AKR1D1: variants seen among roughly 807,000 people sequenced by gnomAD.
AKR1D1 encodes the protein aldo-keto reductase family 1 member D1.
AKR1D1 carries 32 observed loss-of-function variants against 42.6 expected under a neutral mutation model. The ratio of observed to expected loss-of-function variants is 0.75; its 90% CI spans 0.57 to 1.01. The LOEUF is 1.01. AKR1D1 is among the 50% of genes least tolerant of loss of function. The probability of loss-of-function intolerance (pLI) is 0.00; values close to 1 mark genes in which losing one functional copy is unlikely to be tolerated. For missense variants in AKR1D1, 364 were observed against 402.2 expected (o/e 0.91, Z 0.81); for synonymous variants, 123 against 135.5 (o/e 0.91, Z 0.64).
chr7:138,082,120 C>G (rs937948960), intron 1 of AKR1D1, among the ~76,000 whole-genome samples: 1 of 152,314 alleles, frequency 6.6e-6, no homozygotes, highest in Middle Eastern at 3.4e-3. Context: ...CCTGGAGGAG[C>G]AGTGCTGGAT....
intron 3 of AKR1D1, 83 bp from the exon 4 acceptor site, chr7:138,097,783 A>C: frequency 9.0e-7 from 1 of 1,109,688 alleles, no homozygotes; most frequent in South Asian, 1.4e-5. Context: ...ACAATTATGA[A>C]GACTGGGAAG....
At position 138,107,547 on chromosome 7, in the gene AKR1D1, C is replaced by A. The variant is rs943194700; in HGVS notation, c.822C>A (p.Ser274Arg). 6.2e-7 allele frequency: 1 copy of A among 1,613,970 alleles called. No homozygotes were observed. Among genetic ancestry groups the A allele is most frequent in the Admixed American group, 1.7e-5 (1 of 60,006 alleles). The change falls in exon 7 of 9, where the codon AGC (serine) becomes AGA (arginine). Residue 274 changes from serine to arginine, a missense_variant. Ser to Arg is a moderately radical substitution (Grantham distance 110). Coordinates refer to ENST00000242375, the MANE Select transcript of AKR1D1 (RefSeq NM_005989.4). The part of the protein sequence containing the change: ...IQRGVVVIPK[S>R]FNLERIKENF... ...GAGGGGTGGTTGTCATTCCTAAAAG[C>A]TTTAATCTTGAAAGGATCAAAGAAA...
intron 1 of AKR1D1, among the ~76,000 whole-genome samples, chr7:138,087,893 CTT>C (rs757196207): frequency 2.8e-4 from 38 of 137,556 alleles, no homozygotes; most frequent in Admixed American, 2.9e-4. Flanking sequence ...CATTTCTTTT[CTT>C]TTTTTTTTTT....
rs115327525 is a variant in AKR1D1, at chr7:138,092,144, C to T, written c.378+260C>T. On this transcript the variant is annotated intron_variant, in intron 3 of 8. Transcript: ENST00000242375. ...GTACTGACCTAGTCTGACAAATACC[C>T]GAGAAGATTATGTTAGCAGACTCAG... 9.8e-3 allele frequency among the ~76,000 whole-genome samples: 1,488 copies of T among 151,290 alleles called. 38 individuals carry two copies. Among genetic ancestry groups the T allele is most frequent in the African/African-American group, 0.035 (1,409 of 40,622 alleles).
chr7:138,089,357 A>T (rs1024060223), intron 2 of AKR1D1, among the ~76,000 whole-genome samples: 2 of 152,064 alleles, frequency 1.3e-5, no homozygotes, highest in Admixed American at 6.6e-5. Flanking sequence ...TCTCAAAAAA[A>T]AAAAAGCATT....
Position 138,079,966 on chromosome 7 carries a change from G to T in AKR1D1, c.93+3355G>T, listed in dbSNP as rs1048430383. On this transcript the variant is annotated intron_variant, in intron 1 of 8. Transcript: ENST00000242375. ...ATGCCACATGTAAACAATAGGGCCT[G>T]CTGGGTCATATGGCCCAAGTGGCAG... Among the ~76,000 whole-genome samples, 8 of 152,328 alleles carry T rather than the reference G, an allele frequency of 5.3e-5. No individual in the cohort carries two copies. The East Asian group carries it at 1.5e-3, about 29-fold the overall frequency.
chr7:138,109,844 G>A (rs1382182047), intron 7 of AKR1D1, among the ~76,000 whole-genome samples: 1 of 152,108 alleles, frequency 6.6e-6, no homozygotes, highest in Admixed American at 6.6e-5. Context: ...AAAATTATAG[G>A]AGTGTTACAA....
intron 4 of AKR1D1, among the ~76,000 whole-genome samples, chr7:138,099,857 G>T: frequency 9.7e-6 from 1 of 103,262 alleles, no homozygotes; most frequent in East Asian, 2.7e-4. Context: ...AAAAAAAAAG[G>T]GGGGTAATAG....
At chr7:138,085,145 C>A (rs984722342) in intron 1 of AKR1D1, among the ~76,000 whole-genome samples, 4 of 149,746 alleles carry the variant, frequency 2.7e-5, no homozygotes, top group Non-Finnish European at 5.9e-5. Context: ...GAATTAAGTA[C>A]AAAATAGTAA....
intron 4 of AKR1D1, among the ~76,000 whole-genome samples, chr7:138,104,921 A>G (rs1794390571): frequency 6.6e-6 from 1 of 151,844 alleles, no homozygotes; most frequent in African/African-American, 2.4e-5. Context: ...CACCATGCCT[A>G]GTTAATTCTT....
chr7:138,116,319 A>G (rs1794632163), intron 8 of AKR1D1, among the ~76,000 whole-genome samples: 1 of 152,144 alleles, frequency 6.6e-6, no homozygotes, highest in Non-Finnish European at 1.5e-5. Context: ...AGTAGGGAAG[A>G]GGCATGTGCA....
intron 8 of AKR1D1, among the ~76,000 whole-genome samples, chr7:138,114,660 CAAAA>C (rs34437071): frequency 1.1e-5 from 1 of 87,366 alleles, no homozygotes; most frequent in Non-Finnish European, 2.2e-5. Flanking sequence ...AACTCCATCT[CAAAA>C]AAAAAAAAAA....
chr7:138,112,643 C>T (rs1034230002), intron 7 of AKR1D1, among the ~76,000 whole-genome samples: 1 of 151,938 alleles, frequency 6.6e-6, no homozygotes, highest in Non-Finnish European at 1.5e-5. Flanking sequence ...TTATTTATTC[C>T]ATATGGGTCT....
chr7:138,083,701 C>G lies in AKR1D1; in HGVS notation c.94-4900C>G, dbSNP rs138572010. On this transcript the variant is annotated intron_variant, in intron 1 of 8. Transcript: ENST00000242375. Reference sequence around the variant, plus strand: ...GATGCTTTTTCCCTTATGTTTCCTTCTAGGAGCTTTACAGTTTCTGGTCTT... The same window carrying G: ...GATGCTTTTTCCCTTATGTTTCCTTGTAGGAGCTTTACAGTTTCTGGTCTT... 2.8e-4 allele frequency among the ~76,000 whole-genome samples: 42 copies of G among 152,222 alleles called. 1 individual carries two copies. The highest frequency in any genetic ancestry group is 9.4e-4 in the African/African-American group (39 of 41,552).
rs112722558 is a variant in AKR1D1 at position 138,101,312 on chromosome 7, G to A, written c.456+3369G>A. On this transcript the variant is annotated intron_variant, in intron 4 of 8. Transcript: ENST00000242375. ...CCTCTCGGGTTCAATCGATTCTCCT[G>A]CCTCAGCCTCCTGAGTAGCTGGGAT... Among the ~76,000 whole-genome samples the A allele has an allele frequency of 7.1e-3, 1,083 of 151,718 alleles. 10 individuals are homozygous for A. Among genetic ancestry groups the A allele is most frequent in the Non-Finnish European group, 0.01 (705 of 67,952 alleles).
intron 4 of AKR1D1, among the ~76,000 whole-genome samples, chr7:138,102,500 T>C (rs770721408): frequency 1.7e-4 from 26 of 152,212 alleles, no homozygotes; most frequent in Admixed American, 9.8e-4. Context: ...ACCTGGTAGG[T>C]TGAGGCTGCA....
chr7:138,083,557 T>A (rs1199375310), intron 1 of AKR1D1, among the ~76,000 whole-genome samples: 2 of 152,162 alleles, frequency 1.3e-5, no homozygotes, highest in Non-Finnish European at 2.9e-5. Flanking sequence ...CTCTGTTGAG[T>A]GTTTCCTTTT....
intron 7 of AKR1D1, among the ~76,000 whole-genome samples, chr7:138,111,416 C>T (rs1368231676): frequency 1.3e-5 from 2 of 152,192 alleles, no homozygotes; most frequent in Admixed American, 1.3e-4. Flanking sequence ...CTGGAACAGC[C>T]CTTGTCAAAG....
intron 5 of AKR1D1, 104 bp downstream of exon 5, chr7:138,105,533 C>T (rs1453323770): frequency 6.6e-7 from 1 of 1,507,110 alleles, no homozygotes; most frequent in East Asian, 2.3e-5. Context: ...ATTGCTCCAC[C>T]TAAATCTCAT....
Sources: gnomAD v4.1 joint callset for allele counts (sites outside exome capture counted in the v4.1 genomes callset) on GRCh38, gnomAD v4.1.1 for gene constraint, MANE v1.5 for transcripts, NCBI Gene and HGNC (gene_info 2026-07-23, HGNC 2026-07-21) for gene names.